The following INTS11 variants were observed in gnomAD, a reference collection of about 807,000 sequenced individuals.
INTS11 encodes the protein integrator complex subunit 11.
In INTS11, 77 loss-of-function variants were observed where a neutral mutation model predicts 78.6. The ratio of observed to expected loss-of-function variants is 0.98; its 90% CI spans 0.81 to 1.18. INTS11 has a LOEUF of 1.18. INTS11 is among the 50% of genes most tolerant of loss of function. INTS11 has a pLI of 0.00. For synonymous variants in INTS11, 441 were observed against 326.9 expected, an observed-to-expected ratio of 1.35 and a Z score of -3.77; for missense variants, 875 against 825.9, an observed-to-expected ratio of 1.06 and a Z score of -0.73.
chr1:1,315,115 C>A (rs949912946), intron 6 of INTS11, 153 bp from the exon 7 acceptor site: 1 of 990,108 alleles, frequency 1.0e-6, no homozygotes, highest in African/African-American at 1.6e-5. Context: ...GTGGGCAGCA[C>A]ACTTGGGAAG....
At chr1:1,321,242 A>G in intron 1 of INTS11, 149 bp from the exon 2 acceptor site, 1 of 615,626 alleles carries the variant, frequency 1.6e-6, no homozygotes, top group Non-Finnish European at 2.9e-6. Context: ...GGCCACCCCT[A>G]CTCACAGGAA....
chr1:1,314,729 C>A lies in INTS11; in HGVS notation c.702+95G>T. 1.4e-6 allele frequency: 2 copies of A among 1,437,506 alleles called. No individual in the cohort carries two copies. The highest frequency in any genetic ancestry group is 1.9e-5 in the Admixed American group (1 of 51,598). 89.0% of individuals were successfully genotyped at this position (1,437,506 alleles called of 1,614,324 possible). ...GCCTGAAAATGCAGTACCCCCCACC[C>A]TGAGACCCTGACCCATGCCAAGGGC... On this transcript the variant is annotated intron_variant, in intron 7 of 16. Transcript: ENST00000435064. This position sits in a 1 kb window ranked among gnomAD's most constrained non-coding sequence, Gnocchi z 4.2.
Position 1,319,258 on chromosome 1 carries a change from G to A in INTS11, c.429+38C>T, listed in dbSNP as rs1383532265. Reference sequence around the variant, plus strand: ...GGAGGGCATGGTTGGTGTGGGGGTGGGCAGTGACTGTGCCAGCTGTGGCCC... The same window carrying A: ...GGAGGGCATGGTTGGTGTGGGGGTGAGCAGTGACTGTGCCAGCTGTGGCCC... On this transcript the variant is annotated intron_variant, in intron 4 of 16. Coordinates refer to ENST00000435064, the MANE Select transcript of INTS11 (RefSeq NM_017871.6). 5.3e-6 allele frequency: 8 copies of A among 1,517,818 alleles called. No homozygotes were observed. The Admixed American group carries it at 1.3e-4, about 25-fold the overall frequency. 94.0% of individuals were successfully genotyped at this position (1,517,818 alleles called of 1,614,324 possible). A position where few individuals can be genotyped will look rare whatever the true frequency, so the allele number is the denominator to read the frequency against.
chr1:1,317,580 G>C (rs927782842), intron 4 of INTS11: 39 of 252,462 alleles, frequency 1.5e-4, no homozygotes, highest in Admixed American at 3.3e-4. Context: ...GGAGGAGCAG[G>C]AACGGGGCAG....
chr1:1,320,148 G>A (rs1484754399), intron 3 of INTS11: 1 of 364,132 alleles, frequency 2.7e-6, no homozygotes, highest in African/African-American at 2.1e-5. Context: ...GCAGACTCGG[G>A]ACTCTGGAAT....
intron 6 of INTS11, 116 bp downstream of exon 6, chr1:1,315,288 A>C (rs1642509941): frequency 2.3e-6 from 3 of 1,304,216 alleles, no homozygotes; most frequent in Admixed American, 1.8e-5. Context: ...TCCAGGCCGC[A>C]CAGGACATGG....
chr1:1,323,407 C>G, intron 1 of INTS11: 3 of 1,162,484 alleles, frequency 2.6e-6, no homozygotes, highest in Non-Finnish European at 2.4e-6. Flanking sequence ...TATACTGTTA[C>G]GACTTTGACT....
At position 1,311,971 on chromosome 1, in the gene INTS11, A is replaced by G. The variant is rs201530038; in HGVS notation, c.1737+47T>C. On this transcript the variant is annotated intron_variant, in intron 16 of 16. Transcript: ENST00000435064. ...TGTGGGTGGTGCAGGACAGGGAGGA[A>G]TGTTGATACCTGTGTTGACCGCGGT... 2.2e-4 allele frequency: 356 copies of G among 1,596,172 alleles called. 1 individual carries two copies. The African/African-American group carries it at 3.8e-3, about 17-fold the overall frequency.
In INTS11 at chr1:1,312,213, G is replaced by GGGGGCCCCCCCCCCCCCCCCCCCCCCC; in HGVS notation, c.1607+12_1607+13insGGGGGGGGGGGGGGGGGGGGGGGCCCC. On this transcript the variant is annotated intron_variant, in intron 15 of 16. Coordinates refer to ENST00000435064, the MANE Select transcript of INTS11 (RefSeq NM_017871.6). Reference sequence around the variant, plus strand: ...CCCAAGGGAGTGGGGGGGGGGCGGGGCCGGGCGCCCACCTCTTGAGGTGGC... The same window carrying GGGGGCCCCCCCCCCCCCCCCCCCCCCC: ...CCCAAGGGAGTGGGGGGGGGGCGGGGGGGGCCCCCCCCCCCCCCCCCCCCCCCCCGGGCGCCCACCTCTTGAGGTGGC... The GGGGGCCCCCCCCCCCCCCCCCCCCCCC allele has an allele frequency of 1.1e-6, 1 of 934,624 alleles. No homozygotes were observed. Among genetic ancestry groups the GGGGGCCCCCCCCCCCCCCCCCCCCCCC allele is most frequent in the Non-Finnish European group, 1.6e-6 (1 of 636,672 alleles). The allele number at this position is 934,624 out of a possible 1,614,324, so 57.9% of individuals were successfully genotyped here.
Position 1,321,772 on chromosome 1 carries a change from C to T in INTS11, c.29-679G>A, listed in dbSNP as rs1020574292. The T allele has an allele frequency of 5.2e-6, 3 of 575,578 alleles. No homozygotes were observed. In the African/African-American group the frequency reaches 5.9e-5, roughly 11 times the overall value. 35.7% of individuals were successfully genotyped at this position (575,578 alleles called of 1,614,324 possible). On this transcript the variant is annotated intron_variant, in intron 1 of 16. Coordinates refer to ENST00000435064, the MANE Select transcript of INTS11 (RefSeq NM_017871.6). ...CTGCCCAGCTGCTCCAGCCAGAGGC[C>T]TTGGCCAGCCAAGGCACACTCAGCC...
rs752320898 is a variant in INTS11 at position 1,313,021 on chromosome 1, G to A, written c.1131+14C>T. 13 of 1,611,326 alleles carry A rather than the reference G, an allele frequency of 8.1e-6. No homozygotes were observed. In the African/African-American group the frequency reaches 1.1e-4, roughly 13 times the overall value. ...CCCTCGGCCCTGCCAGCCCAGTGCGGGGTCGAGACTCACCACCTGCCGCCC... is the reference window on the plus strand; with the variant it reads ...CCCTCGGCCCTGCCAGCCCAGTGCGAGGTCGAGACTCACCACCTGCCGCCC... On this transcript the variant is annotated intron_variant, in intron 11 of 16. Transcript: ENST00000435064.
Position 1,312,213 on chromosome 1 carries a change from G to GGGGGGCCCCCCGCCCCCCCCCCC in INTS11, c.1607+12_1607+13insGGGGGGGGGGGCGGGGGGCCCCC. On this transcript the variant is annotated intron_variant, in intron 15 of 16. Transcript: ENST00000435064. ...CCCAAGGGAGTGGGGGGGGGGCGGG[G>GGGGGGCCCCCCGCCCCCCCCCCC]CCGGGCGCCCACCTCTTGAGGTGGC... 1 of 934,630 alleles carries GGGGGGCCCCCCGCCCCCCCCCCC rather than the reference G, an allele frequency of 1.1e-6. No individual in the cohort carries two copies. Among genetic ancestry groups the GGGGGGCCCCCCGCCCCCCCCCCC allele is most frequent in the Non-Finnish European group, 1.6e-6 (1 of 636,678 alleles). The allele number at this position is 934,630 out of a possible 1,614,324, so 57.9% of individuals were successfully genotyped here.
chr1:1,320,230 CGGGTTCAGAAAGTA>C (rs1557641981), intron 3 of INTS11: 1 of 543,828 alleles, frequency 1.8e-6, no homozygotes, highest in Non-Finnish European at 3.3e-6. Flanking sequence ...CCTGGAGGGC[CGGGTTCAGAAAGTA>C]GGGTTCAGAG....
rs1642432849 is a variant in INTS11 at position 1,314,222 on chromosome 1, T to C, written c.767+79A>G. 7.4e-7 allele frequency: 1 copy of C among 1,346,458 alleles called. No individual in the cohort carries two copies. The highest frequency in any genetic ancestry group is 2.5e-5 in the East Asian group (1 of 39,996). 83.4% of individuals were successfully genotyped at this position (1,346,458 alleles called of 1,614,324 possible). A position where few individuals can be genotyped will look rare whatever the true frequency, so the allele number is the denominator to read the frequency against. ...CAGGGCCAAGATGCCACCGCTACGC[T>C]GGACAGGGCTGCCCACCAACTGGAC... is the stretch of plus-strand genomic sequence containing the variant. On this transcript the variant is annotated intron_variant, in intron 8 of 16. Transcript: ENST00000435064. The surrounding 1 kb of genome is among the most constrained non-coding windows in gnomAD (Gnocchi z 4.2).
rs764725031 is a variant in INTS11, at chr1:1,314,401, G to A, written c.703-36C>T. The A allele has an allele frequency of 1.3e-6, 2 of 1,577,772 alleles. No homozygotes were observed. The highest frequency in any genetic ancestry group is 1.7e-6 in the Non-Finnish European group (2 of 1,158,264). On this transcript the variant is annotated intron_variant, in intron 7 of 16. Transcript: ENST00000435064. This position sits in a 1 kb window ranked among gnomAD's most constrained non-coding sequence, Gnocchi z 4.2. ...CACAAGGCAGGAGCCCTGGGCACAT[G>A]GCCCCTCGACACAGCAGGCAGCGTC...
Position 1,320,475 on chromosome 1 carries a change from G to A in INTS11, c.181C>T (p.Leu61=). The part of the protein sequence containing the change: ...ITQNGRLTDF[L]DCVIISHFHL... ...ACCCACCTAATGATCACACAGTCCA[G>A]GAAGTCTGTTAGGCGGCCGTTCTGG... The change falls in exon 3 of 17, where the codon CTG becomes TTG. Residue 61 remains leucine, a synonymous_variant. Coordinates refer to ENST00000435064, the MANE Select transcript of INTS11 (RefSeq NM_017871.6). 1 of 1,613,976 alleles carries A rather than the reference G, an allele frequency of 6.2e-7. No homozygotes were observed. The highest frequency in any genetic ancestry group is 1.1e-5 in the South Asian group (1 of 91,088).
Position 1,312,005 on chromosome 1 carries a change from GGT to G in INTS11, c.1737+11_1737+12del, listed in dbSNP as rs1209156578. ...CCTGTGTTGACCGCGGTGGGGTGGG[GGT>G]CACCCCTTACCTGGTAGGTCCAGGA... On this transcript the variant is annotated intron_variant, in intron 16 of 16. Coordinates refer to ENST00000435064, the MANE Select transcript of INTS11 (RefSeq NM_017871.6). 5.0e-6 allele frequency: 8 copies of G among 1,584,948 alleles called. No homozygotes were observed. Among genetic ancestry groups the G allele is most frequent in the Non-Finnish European group, 6.9e-6 (8 of 1,166,014 alleles).
At chr1:1,313,147 C>G (rs1419056975) in intron 10 of INTS11, 23 bp from the exon 11 acceptor site, 1 of 1,596,484 alleles carries the variant, frequency 6.3e-7, no homozygotes, top group Non-Finnish European at 8.5e-7. Flanking sequence ...ACAGAGCTCA[C>G]AGCCAGGGAA....
At position 1,314,221 on chromosome 1, in the gene INTS11, C is replaced by T; in HGVS notation, c.767+80G>A. 1.5e-6 allele frequency: 2 copies of T among 1,330,612 alleles called. No homozygotes were observed. The highest frequency in any genetic ancestry group is 2.1e-6 in the Non-Finnish European group (2 of 946,568). The allele number at this position is 1,330,612 out of a possible 1,614,324, so 82.4% of individuals were successfully genotyped here. A position where few individuals can be genotyped will look rare whatever the true frequency, so the allele number is the denominator to read the frequency against. ...GCAGGGCCAAGATGCCACCGCTACGCTGGACAGGGCTGCCCACCAACTGGA... is the reference window on the plus strand; with the variant it reads ...GCAGGGCCAAGATGCCACCGCTACGTTGGACAGGGCTGCCCACCAACTGGA... On this transcript the variant is annotated intron_variant, in intron 8 of 16. Coordinates refer to ENST00000435064, the MANE Select transcript of INTS11 (RefSeq NM_017871.6). This position sits in a 1 kb window ranked among gnomAD's most constrained non-coding sequence, Gnocchi z 4.2.
Sources: gnomAD v4.1 joint callset for allele counts on GRCh38, gnomAD v4.1.1 for gene constraint, Gnocchi (gnomAD v3.1) non-coding constraint, MANE v1.5 for transcripts, NCBI Gene and HGNC (gene_info 2026-07-23, HGNC 2026-07-21) for gene names.